The following EXOC3 variants were observed in gnomAD, a reference collection of about 807,000 sequenced individuals.
The protein encoded by EXOC3 is SEC6-like 1.
A neutral mutation model predicts 73.7 loss-of-function variants in EXOC3; 21 were observed. The observed-to-expected ratio is 0.29, with a 90% confidence interval of 0.20 to 0.41. The LOEUF (loss-of-function observed/expected upper bound fraction) is 0.41, where lower values mean the gene tolerates loss of function less well. Among genes scored for constraint, EXOC3 ranks in the 10% least tolerant of loss-of-function variants. The pLI is 1.00. For synonymous variants in EXOC3, 410 were observed against 389.1 expected, an observed-to-expected ratio of 1.05 and a Z score of -0.63; for missense variants, 842 against 985.1, an observed-to-expected ratio of 0.85 and a Z score of 1.95.
At chr5:464,967 G>A (rs1271024212) in intron 10 of EXOC3, 144 bp from the exon 11 acceptor site, 1 of 850,728 alleles carries the variant, frequency 1.2e-6, no homozygotes, top group Non-Finnish European at 1.8e-6. Context: ...CCTCTGCGGT[G>A]AGATGCCAGA....
At chr5:452,800 A>G (rs982003692) in intron 3 of EXOC3, among the ~76,000 whole-genome samples, 1 of 152,248 alleles carries the variant, frequency 6.6e-6, no homozygotes, top group East Asian at 1.9e-4. Flanking sequence ...AATTTTTCCT[A>G]TAAATGCAGT....
intron 3 of EXOC3, among the ~76,000 whole-genome samples, chr5:449,577 C>T (rs80277690): frequency 0.015 from 2,281 of 152,314 alleles, 36 homozygotes; most frequent in African/African-American, 0.041. Flanking sequence ...GCTTATTTCA[C>T]TCAGCATGAT....
chr5:453,384 A>G lies in EXOC3; in HGVS notation c.379A>G (p.Arg127Gly). ...KNIFSVPEIV[R>G]ETQDLIEQGA... Reference sequence around the variant, plus strand: ...CTTCTCCCTAGTGCCTGAGATTGTGAGGGAGACCCAGGACCTAATTGAACA... The same window carrying G: ...CTTCTCCCTAGTGCCTGAGATTGTGGGGGAGACCCAGGACCTAATTGAACA... Residue 127 changes from arginine to glycine, a missense_variant, in exon 4 of 13, where the codon AGG (arginine) becomes GGG (glycine). Transcript: ENST00000512944. 1 of 1,581,208 alleles carries G rather than the reference A, an allele frequency of 6.3e-7. No individual in the cohort carries two copies.
At chr5:454,888 T>TTTTTTA (rs60223149) in intron 4 of EXOC3, among the ~76,000 whole-genome samples, 1 of 150,954 alleles carries the variant, frequency 6.6e-6, no homozygotes, top group Non-Finnish European at 1.5e-5. Flanking sequence ...TTTTTTTTTT[T>TTTTTTA]AGCAGTAAGG....
Position 462,243 on chromosome 5 carries a change from T to C in EXOC3, c.1589T>C (p.Ile530Thr). 1 of 1,613,876 alleles carries C rather than the reference T, an allele frequency of 6.2e-7. No individual in the cohort carries two copies. The highest frequency in any genetic ancestry group is 8.5e-7 in the Non-Finnish European group (1 of 1,179,864). The change falls in exon 9 of 13, where the codon ATT becomes ACT. Residue 530 changes from isoleucine to threonine, a missense_variant. By Grantham distance (89) the Ile-to-Thr change is moderately conservative. Transcript: ENST00000512944. ...CCGAGCCAGCCCAGCATGGACGGGA[T>C]TTTAGACGCCATCGCGAAGGAGGGC... is the stretch of plus-strand genomic sequence containing the variant. ...VSPSQPSMDG[I>T]LDAIAKEGCS...
At chr5:458,541 T>C (rs2126582748) in intron 6 of EXOC3, among the ~76,000 whole-genome samples, 1 of 152,330 alleles carries the variant, frequency 6.6e-6, no homozygotes, top group Middle Eastern at 3.4e-3. Context: ...TCCTGTTCAT[T>C]GGTTAAGGTT....
intron 7 of EXOC3, 170 bp from the exon 8 acceptor site, chr5:461,790 C>T: frequency 3.3e-6 from 2 of 602,440 alleles, no homozygotes; most frequent in Non-Finnish European, 6.0e-6. Context: ...TAATCAACCT[C>T]TCTGTCCTTC....
intron 1 of EXOC3, among the ~76,000 whole-genome samples, chr5:445,353 CTTT>C (rs11452170): frequency 1.4e-5 from 2 of 139,622 alleles, no homozygotes; most frequent in African/African-American, 5.3e-5. Context: ...CTTTTTTTTT[CTTT>C]TTTTTTTTTT....
intron 6 of EXOC3, 108 bp downstream of exon 6, chr5:458,133 G>A: frequency 8.2e-7 from 1 of 1,213,002 alleles, no homozygotes; most frequent in Non-Finnish European, 1.1e-6. Context: ...ACAGAGTGTA[G>A]TAAAAATATT....
chr5:463,163 G>A (rs1004979595), intron 9 of EXOC3, among the ~76,000 whole-genome samples: 2 of 152,174 alleles, frequency 1.3e-5, no homozygotes. Flanking sequence ...CTGCTGGAAA[G>A]GGGTTCCTGG....
chr5:459,303 C>A, intron 6 of EXOC3, 56 bp from the exon 7 acceptor site: 1 of 919,886 alleles, frequency 1.1e-6, no homozygotes, highest in Non-Finnish European at 1.6e-6. Context: ...CAAACCTGCA[C>A]TCTTAGTATA....
chr5:452,514 C>A (rs1737686182), intron 3 of EXOC3, among the ~76,000 whole-genome samples: 1 of 152,184 alleles, frequency 6.6e-6, no homozygotes, highest in African/African-American at 2.4e-5. Flanking sequence ...GCCATCAGAT[C>A]TTTTACAGGA....
rs1738071346 is a variant in EXOC3, at chr5:464,277, T to C, written c.1654-13T>C. The C allele has an allele frequency of 1.9e-6, 3 of 1,612,400 alleles. No individual in the cohort carries two copies. Among genetic ancestry groups the C allele is most frequent in the Non-Finnish European group, 2.5e-6 (3 of 1,178,836 alleles). ...TGAGGTGATGATTTCTATGATCTGT[T>C]TCTGCTTTTCAGCAACATCTGAATG... On this transcript the variant is annotated splice_polypyrimidine_tract_variant and intron_variant, in intron 9 of 12. Coordinates refer to ENST00000512944, the MANE Select transcript of EXOC3 (RefSeq NM_007277.5).
chr5:457,791 C>T (rs1449470658), intron 5 of EXOC3, 109 bp from the exon 6 acceptor site: 7 of 1,217,364 alleles, frequency 5.8e-6, no homozygotes, highest in Admixed American at 2.3e-5. Context: ...CGCTGGTGCC[C>T]TGTGTCTGGT....
chr5:445,015 G>T (rs1737464405), intron 1 of EXOC3: 1 of 152,256 alleles, frequency 6.6e-6, no homozygotes, highest in Non-Finnish European at 1.5e-5. Context: ...AAGGAGAAGA[G>T]AGGTGTCTGA....
chr5:455,920 T>G (rs1418441352), intron 4 of EXOC3, among the ~76,000 whole-genome samples: 1 of 152,254 alleles, frequency 6.6e-6, no homozygotes, highest in East Asian at 1.9e-4. Context: ...AACTTTCTAA[T>G]GAAAACTTTT....
In EXOC3 at chr5:465,740, G is replaced by T. The variant is rs766497429; in HGVS notation, c.1961G>T (p.Gly654Val). The T allele has an allele frequency of 9.3e-6, 15 of 1,613,786 alleles. No homozygotes were observed. The East Asian group carries it at 3.3e-4, about 36-fold the overall frequency. Residue 654 changes from glycine to valine, a missense_variant, in exon 12 of 13, where the codon GGA (glycine) becomes GTA (valine). Coordinates refer to ENST00000512944, the MANE Select transcript of EXOC3 (RefSeq NM_007277.5). The stretch of plus-strand genomic sequence containing the variant: ...CAGGGTTTCGGGGAAGACGTGGACG[G>T]ATACTGCGACACCATCGTGGCTGTG... ...LASGFGEDVD[G>V]YCDTIVAVAE... is the part of the protein sequence containing the mutation.
At chr5:443,557 C>T (rs909639926) in intron 1 of EXOC3, among the ~76,000 whole-genome samples, 2 of 152,076 alleles carry the variant, frequency 1.3e-5, no homozygotes, top group African/African-American at 4.8e-5. Context: ...CAAGGTCCTT[C>T]CTGGTGCAGG....
intron 2 of EXOC3, 63 bp downstream of exon 2, chr5:446,412 C>A: frequency 6.9e-7 from 1 of 1,456,918 alleles, no homozygotes; most frequent in African/African-American, 1.4e-5. Context: ...TTGACATCAC[C>A]ATGATGATTT....
Sources: allele counts gnomAD v4.1 joint callset (sites outside exome capture counted in the v4.1 genomes callset), GRCh38; gene constraint gnomAD v4.1.1; transcripts MANE v1.5; gene names NCBI Gene and HGNC (gene_info 2026-07-23, HGNC 2026-07-21).